MDGA2: variants seen among roughly 807,000 people sequenced by gnomAD.
MDGA2 encodes the protein MAM domain-containing glycosylphosphatidylinositol anchor protein 2.
Under a neutral mutation model 117.8 loss-of-function variants are expected in MDGA2, and 40 were observed. The observed-to-expected ratio is 0.34, with a 90% CI of 0.26 to 0.44. The LOEUF is 0.44. Among genes scored for constraint, MDGA2 ranks in the 20% least tolerant of loss-of-function variants. MDGA2 has a pLI of 1.00. For synonymous variants in MDGA2, 452 were observed against 439.0 expected (o/e 1.03, Z -0.37); for missense variants, 1,123 against 1,250.6 (o/e 0.90, Z 1.54).
chr14:47,269,342 T>C (rs1371036971), intron 2 of MDGA2, among the ~76,000 whole-genome samples: 4 of 152,186 alleles, frequency 2.6e-5, no homozygotes, highest in African/African-American at 7.2e-5. Context: ...AGTCAGTTAC[T>C]TTCTCATGTA....
Position 47,303,973 on chromosome 14 carries a change from G to A in MDGA2, c.281-2423C>T, listed in dbSNP as rs369033275. On this transcript the variant is annotated intron_variant, in intron 1 of 16. Transcript: ENST00000399232. ...TGACATTTACAAGGGTTAATTTTCT[G>A]CTATTTTTCTTCTATATTATAACAC... 1.5e-4 allele frequency among the ~76,000 whole-genome samples: 23 copies of A among 152,158 alleles called. No individual in the cohort carries two copies. In the East Asian group the frequency reaches 2.1e-3, roughly 14 times the overall value.
intron 14 of MDGA2, among the ~76,000 whole-genome samples, chr14:46,858,432 T>C (rs1055783878): frequency 1.3e-4 from 19 of 144,566 alleles, no homozygotes; most frequent in Non-Finnish European, 2.3e-4. Flanking sequence ...TTTTTTCTTT[T>C]TTTTTTTTTT....
chr14:47,057,255 A>C (rs1045894712), intron 7 of MDGA2, among the ~76,000 whole-genome samples: 1 of 152,078 alleles, frequency 6.6e-6, no homozygotes. Context: ...TTATACCCAC[A>C]TGAACAAAAA....
At chr14:47,412,507 C>A (rs1892394750) in intron 1 of MDGA2, among the ~76,000 whole-genome samples, 1 of 152,166 alleles carries the variant, frequency 6.6e-6, no homozygotes, top group Non-Finnish European at 1.5e-5. Context: ...GTCTCGAAAT[C>A]CTGGCTTCAA....
At chr14:47,366,711 TAC>T (rs1320423586) in intron 1 of MDGA2, among the ~76,000 whole-genome samples, 1 of 151,802 alleles carries the variant, frequency 6.6e-6, no homozygotes, top group Non-Finnish European at 1.5e-5. Flanking sequence ...ACAGATTGAG[TAC>T]AGTTTTTATT....
chr14:46,956,179 C>T (rs919238949), intron 9 of MDGA2, among the ~76,000 whole-genome samples: 2 of 152,068 alleles, frequency 1.3e-5, no homozygotes, highest in African/African-American at 2.4e-5. Flanking sequence ...AAGTCTGGAA[C>T]ATTTTAATCA....
intron 1 of MDGA2, among the ~76,000 whole-genome samples, chr14:47,386,515 A>G (rs540963573): frequency 6.6e-6 from 1 of 152,316 alleles, no homozygotes; most frequent in African/African-American, 2.4e-5. Flanking sequence ...AAAAGTGACA[A>G]TTACAAGGTA....
At chr14:46,936,384 A>G (rs553399036) in intron 9 of MDGA2, among the ~76,000 whole-genome samples, 2 of 152,234 alleles carry the variant, frequency 1.3e-5, no homozygotes, top group East Asian at 3.9e-4. Flanking sequence ...TAAATAAAAT[A>G]TCTTTATTTA....
At position 47,430,264 on chromosome 14, in the gene MDGA2, AAAAC is replaced by A. The variant is rs1428268047; in HGVS notation, c.281-128718_281-128715del. Reference sequence around the variant, plus strand: ...AGGAGATAATGGAAGTAAAGCCACTAAAACAGGCTGATGAGTTGATCAGAAATTA... The same window carrying A: ...AGGAGATAATGGAAGTAAAGCCACTAAGGCTGATGAGTTGATCAGAAATTA... On this transcript the variant is annotated intron_variant, in intron 1 of 16. Coordinates refer to ENST00000399232, the MANE Select transcript of MDGA2 (RefSeq NM_001113498.3). 2.2e-3 allele frequency among the ~76,000 whole-genome samples: 342 copies of A among 152,216 alleles called. 3 individuals carry two copies. Among genetic ancestry groups the A allele is most frequent in the African/African-American group, 7.9e-3 (330 of 41,564 alleles).
intron 1 of MDGA2, among the ~76,000 whole-genome samples, chr14:47,434,960 A>G (rs1566455019): frequency 6.6e-6 from 1 of 152,026 alleles, no homozygotes; most frequent in African/African-American, 2.4e-5. Context: ...ACATGGGGAA[A>G]ACCTGTCTGT....
At chr14:47,225,073 T>C (rs751314790) in intron 2 of MDGA2, among the ~76,000 whole-genome samples, 3 of 152,234 alleles carry the variant, frequency 2.0e-5, no homozygotes, top group Non-Finnish European at 2.9e-5. Context: ...AACAAAATTT[T>C]AACCTTAACA....
chr14:47,421,503 A>C (rs60412870), intron 1 of MDGA2, among the ~76,000 whole-genome samples: 2 of 152,186 alleles, frequency 1.3e-5, no homozygotes, highest in Non-Finnish European at 2.9e-5. Context: ...CAAAACAAAC[A>C]AAAACAAAAG....
intron 10 of MDGA2, among the ~76,000 whole-genome samples, chr14:46,899,840 T>A (rs1222437018): frequency 2.6e-5 from 4 of 151,812 alleles, no homozygotes; most frequent in Non-Finnish European, 5.9e-5. Context: ...ACGTAAGAGG[T>A]TTTGAACCAG....
At chr14:47,366,145 A>G (rs976618854) in intron 1 of MDGA2, among the ~76,000 whole-genome samples, 2 of 152,138 alleles carry the variant, frequency 1.3e-5, no homozygotes, top group African/African-American at 4.8e-5. Flanking sequence ...AGAAAAATTC[A>G]AGCGTTCTTT....
chr14:47,098,092 G>A (rs1057122722), intron 5 of MDGA2, among the ~76,000 whole-genome samples: 2 of 151,530 alleles, frequency 1.3e-5, no homozygotes, highest in African/African-American at 4.8e-5. Context: ...GAAATATTTT[G>A]TCAAAGTTAG....
chr14:47,656,387 A>G (rs1897744673), intron 1 of MDGA2, among the ~76,000 whole-genome samples: 1 of 152,136 alleles, frequency 6.6e-6, no homozygotes, highest in Non-Finnish European at 1.5e-5. Context: ...AGTTAGCTCC[A>G]CATGTGGTAT....
intron 8 of MDGA2, among the ~76,000 whole-genome samples, chr14:46,982,705 C>CAAAAAAAAA (rs59530070): frequency 2.6e-4 from 12 of 45,936 alleles, no homozygotes; most frequent in African/African-American, 9.4e-4. Flanking sequence ...GAGACTCCAT[C>CAAAAAAAAA]AAAAAAAAAA....
chr14:47,264,979 G>C (rs1178868296), intron 2 of MDGA2, among the ~76,000 whole-genome samples: 2 of 152,008 alleles, frequency 1.3e-5, no homozygotes, highest in Non-Finnish European at 2.9e-5. Context: ...CTGTAAAAAG[G>C]TACCTATGTT....
chr14:47,529,110 T>G (rs576242859), intron 1 of MDGA2, among the ~76,000 whole-genome samples: 46 of 152,122 alleles, frequency 3.0e-4, no homozygotes, highest in African/African-American at 1.1e-3. Flanking sequence ...ACCATTCTCC[T>G]GTCTCAGCCT....
Sources: gnomAD v4.1 joint callset for allele counts (sites outside exome capture counted in the v4.1 genomes callset) on GRCh38, gnomAD v4.1.1 for gene constraint, MANE v1.5 for transcripts, NCBI Gene and HGNC (gene_info 2026-07-23, HGNC 2026-07-21) for gene names.